LAMA2: variants seen among roughly 807,000 people sequenced by gnomAD.
LAMA2 encodes the protein laminin subunit alpha-2.
In LAMA2, 269 loss-of-function variants were observed where a neutral mutation model predicts 364.8. The ratio of observed to expected loss-of-function variants is 0.74; its 90% CI spans 0.67 to 0.82. The LOEUF is 0.82. LAMA2 is among the 40% of genes least tolerant of loss of function. The pLI, the probability that LAMA2 is intolerant of heterozygous loss-of-function variation, is 0.00. For missense variants in LAMA2, 3,807 were observed against 3,873.2 expected, an observed-to-expected ratio of 0.98 and a Z score of 0.45; for synonymous variants, 1,379 against 1,370.6, an observed-to-expected ratio of 1.01 and a Z score of -0.14.
chr6:128,921,499 G>C (rs1778709883), intron 1 of LAMA2, among the ~76,000 whole-genome samples: 1 of 152,098 alleles, frequency 6.6e-6, no homozygotes. Context: ...TGGTATCATA[G>C]AAGAGGGGAG....
chr6:129,182,217 TGAG>T (rs1274730143), intron 10 of LAMA2, among the ~76,000 whole-genome samples: 1 of 151,814 alleles, frequency 6.6e-6, no homozygotes, highest in Non-Finnish European at 1.5e-5. Flanking sequence ...AAATTCTAAA[TGAG>T]GAGACAGCTG....
At chr6:129,420,884 T>G (rs1251340511) in intron 40 of LAMA2, among the ~76,000 whole-genome samples, 1 of 152,156 alleles carries the variant, frequency 6.6e-6, no homozygotes, top group Non-Finnish European at 1.5e-5. Context: ...CTGTGTTCCA[T>G]TATGGTAATG....
chr6:129,506,720 T>C (rs905141304), intron 61 of LAMA2, among the ~76,000 whole-genome samples: 6 of 152,160 alleles, frequency 3.9e-5, no homozygotes, highest in African/African-American at 9.7e-5. Flanking sequence ...CATGATAATG[T>C]AGATTTGTTC....
chr6:129,215,673 A>T (rs963735695), intron 12 of LAMA2, among the ~76,000 whole-genome samples: 2 of 152,102 alleles, frequency 1.3e-5, no homozygotes. Flanking sequence ...TCTTACAGAG[A>T]TTTCTTCACC....
At chr6:129,391,401 G>T in intron 35 of LAMA2, 90 bp from the exon 36 acceptor site, 1 of 1,068,654 alleles carries the variant, frequency 9.4e-7, no homozygotes. Flanking sequence ...TCTTCATTTG[G>T]AGATGGTGGT....
At chr6:129,321,564 G>C (rs1774969195) in intron 28 of LAMA2, among the ~76,000 whole-genome samples, 1 of 152,174 alleles carries the variant, frequency 6.6e-6, no homozygotes, top group Non-Finnish European at 1.5e-5. Flanking sequence ...ATACCAGTTA[G>C]ATATTATTAA....
At chr6:129,417,490 CA>C (rs1381768935) in intron 40 of LAMA2, among the ~76,000 whole-genome samples, 3 of 151,806 alleles carry the variant, frequency 2.0e-5, no homozygotes, top group East Asian at 1.9e-4. Flanking sequence ...TGAGCTGGCC[CA>C]AAAAAAGCAC....
Position 129,217,605 on chromosome 6 carries a change from G to T in LAMA2, c.1782+24752G>T, listed in dbSNP as rs370993081. 2.6e-4 allele frequency among the ~76,000 whole-genome samples: 40 copies of T among 152,136 alleles called. 1 individual carries two copies. The highest frequency in any genetic ancestry group is 3.4e-3 in the Middle Eastern group (1 of 294). On this transcript the variant is annotated intron_variant, in intron 12 of 64. Transcript: ENST00000421865. ...AGTAAATTCAAATATTTTCTCTTTT[G>T]GAATACTCTGTTCCTATTAAAACAA...
Position 129,315,520 on chromosome 6 carries a change from G to A in LAMA2, c.3600G>A (p.Glu1200=). The change falls in exon 25 of 65, where the codon GAG becomes GAA. Residue 1200 remains glutamate (E), a synonymous_variant. Transcript: ENST00000421865. ...AEQTILPLVD[E]ALQHTTTKGI... is the part of the protein sequence containing the mutation. ...AGACCATTCTACCCCTGGTAGATGA[G>A]GCTCTGCAGCACACGACCACCAAGG... is the stretch of plus-strand genomic sequence containing the variant. 6.2e-7 allele frequency: 1 copy of A among 1,614,192 alleles called. No homozygotes were observed. The highest frequency in any genetic ancestry group is 8.5e-7 in the Non-Finnish European group (1 of 1,180,018).
chr6:129,160,207 G>C (rs1195708712), intron 8 of LAMA2, among the ~76,000 whole-genome samples: 1 of 152,058 alleles, frequency 6.6e-6, no homozygotes, highest in Non-Finnish European at 1.5e-5. Context: ...AAATTTCCTA[G>C]TGAAACTATC....
At chr6:129,200,906 A>G (rs1417739614) in intron 12 of LAMA2, among the ~76,000 whole-genome samples, 1 of 152,178 alleles carries the variant, frequency 6.6e-6, no homozygotes. Flanking sequence ...CTTACTCCAC[A>G]TTATACATAA....
At chr6:128,926,742 C>A (rs1300399846) in intron 1 of LAMA2, among the ~76,000 whole-genome samples, 1 of 152,172 alleles carries the variant, frequency 6.6e-6, no homozygotes, top group Non-Finnish European at 1.5e-5. Flanking sequence ...TTCTCCTCAG[C>A]CCTTTTGAAA....
chr6:128,889,410 G>A (rs543090398), intron 1 of LAMA2, among the ~76,000 whole-genome samples: 1 of 151,988 alleles, frequency 6.6e-6, no homozygotes, highest in East Asian at 1.9e-4. Flanking sequence ...TTCCATTTTT[G>A]TTACTGTTTT....
chr6:129,383,896 T>A (rs2494585), intron 35 of LAMA2, among the ~76,000 whole-genome samples: 2,138 of 152,334 alleles, frequency 0.014, 42 homozygotes, highest in African/African-American at 0.049. Flanking sequence ...TAAACGTGCA[T>A]GCATGTTTAG....
At chr6:129,324,434 A>G (rs1775149955) in intron 28 of LAMA2, among the ~76,000 whole-genome samples, 1 of 152,218 alleles carries the variant, frequency 6.6e-6, no homozygotes, top group Non-Finnish European at 1.5e-5. Context: ...GAGGCCCATG[A>G]TCACACACCT....
chr6:129,477,690 G>A (rs1419111265), intron 53 of LAMA2, among the ~76,000 whole-genome samples: 1 of 145,764 alleles, frequency 6.9e-6, no homozygotes, highest in African/African-American at 2.7e-5. Context: ...AAAATGTATG[G>A]GTTTTTGCAT....
intron 2 of LAMA2, among the ~76,000 whole-genome samples, chr6:129,051,558 G>A (rs1284150375): frequency 2.0e-5 from 3 of 149,058 alleles, no homozygotes; most frequent in Non-Finnish European, 3.0e-5. Flanking sequence ...GTGATCACCC[G>A]CTTCAGCCTC....
At chr6:129,421,456 T>A (rs1295042223) in intron 40 of LAMA2, among the ~76,000 whole-genome samples, 2 of 152,062 alleles carry the variant, frequency 1.3e-5, no homozygotes, top group Admixed American at 1.3e-4. Context: ...CATTTATATT[T>A]CACATATGCT....
At chr6:129,163,036 G>A (rs1779531880) in intron 8 of LAMA2, among the ~76,000 whole-genome samples, 1 of 152,136 alleles carries the variant, frequency 6.6e-6, no homozygotes, top group Non-Finnish European at 1.5e-5. Flanking sequence ...TACCTTGCTT[G>A]ATTCACAAAG....
Sources: allele counts gnomAD v4.1 joint callset (sites outside exome capture counted in the v4.1 genomes callset), GRCh38; gene constraint gnomAD v4.1.1; transcripts MANE v1.5; gene names NCBI Gene and HGNC (gene_info 2026-07-23, HGNC 2026-07-21).